The following FRK variants were observed in gnomAD, a reference collection of about 807,000 sequenced individuals.
FRK encodes tyrosine-protein kinase FRK.
FRK carries 51 observed loss-of-function variants against 56.4 expected under a neutral mutation model. The ratio of observed to expected loss-of-function variants is 0.90; its 90% CI spans 0.72 to 1.14. The LOEUF (loss-of-function observed/expected upper bound fraction) is 1.14, where lower values mean the gene tolerates loss of function less well. Ranked by LOEUF, FRK falls within the 50% of genes most tolerant of loss-of-function variation. The pLI, the probability that FRK is intolerant of heterozygous loss-of-function variation, is 0.00. For missense variants in FRK, 570 were observed against 601.4 expected, an observed-to-expected ratio of 0.95 and a Z score of 0.55; for synonymous variants, 245 against 217.9, an observed-to-expected ratio of 1.12 and a Z score of -1.10.
intron 2 of FRK, among the ~76,000 whole-genome samples, chr6:115,987,654 C>A (rs1774443481): frequency 6.6e-6 from 1 of 152,070 alleles, no homozygotes; most frequent in African/African-American, 2.4e-5. Flanking sequence ...GGCATTACCC[C>A]TCTACTGCCA....
At chr6:116,098,683 C>T in the FRK span, among the ~76,000 whole-genome samples, 2 of 152,156 alleles carry the variant, frequency 1.3e-5, no homozygotes, top group African/African-American at 4.8e-5. Context: ...GAAGACTGAA[C>T]TTGTAGTTGA....
chr6:115,958,670 A>G (rs1562257119), intron 4 of FRK, among the ~76,000 whole-genome samples: 1 of 3,154 alleles, frequency 3.2e-4, no homozygotes, highest in Non-Finnish European at 6.4e-4. Context: ...GAAAGAAAGA[A>G]AGAAAGAAAG....
intron 1 of FRK, among the ~76,000 whole-genome samples, chr6:116,057,332 A>G (rs1777439075): frequency 6.6e-6 from 1 of 152,222 alleles, no homozygotes; most frequent in African/African-American, 2.4e-5. Flanking sequence ...AAAATATTAA[A>G]ATAAGTTGTT....
In FRK at chr6:116,000,223, C is replaced by CTTTTTTTTTTTTTTTT. The variant is rs561273499; in HGVS notation, c.466+3638_466+3653dup. 2.8e-4 allele frequency among the ~76,000 whole-genome samples: 15 copies of CTTTTTTTTTTTTTTTT among 53,110 alleles called. 2 individuals carry two copies. Among genetic ancestry groups the CTTTTTTTTTTTTTTTT allele is most frequent in the East Asian group, 1.8e-3 (5 of 2,820 alleles). 34.8% of individuals were successfully genotyped at this position (53,110 alleles called of 152,430 possible). On this transcript the variant is annotated intron_variant, in intron 2 of 7. Coordinates refer to ENST00000606080, the MANE Select transcript of FRK (RefSeq NM_002031.3). ...TTTCCTCATGAAAATATCATTCTTT[C>CTTTTTTTTTTTTTTTT]TTTTTTTTTTTTTTTTTTTTTTTTT...
chr6:115,994,176 CA>C (rs1774732442), intron 2 of FRK, among the ~76,000 whole-genome samples: 1 of 151,920 alleles, frequency 6.6e-6, no homozygotes, highest in Non-Finnish European at 1.5e-5. Context: ...CAAGTCAAGG[CA>C]GAGATAATGT....
intron 2 of FRK, among the ~76,000 whole-genome samples, chr6:115,984,108 T>C (rs187609971): frequency 7.2e-5 from 11 of 152,222 alleles, no homozygotes; most frequent in Non-Finnish European, 1.6e-4. Context: ...AACCGCCCAG[T>C]GTAAGCGAGC....
chr6:115,983,061 G>A (rs895771042), intron 2 of FRK, among the ~76,000 whole-genome samples: 2 of 134,224 alleles, frequency 1.5e-5, no homozygotes, highest in African/African-American at 2.6e-5. Flanking sequence ...AATAGAGTGA[G>A]ACTCTATCTC....
intron 1 of FRK, among the ~76,000 whole-genome samples, chr6:116,024,012 T>C (rs1380390704): frequency 6.6e-6 from 1 of 151,214 alleles, no homozygotes; most frequent in African/African-American, 2.4e-5. Flanking sequence ...ATCACAGAAA[T>C]CTTTTCATAC....
At chr6:115,965,860 T>C (rs1351574692) in intron 4 of FRK, among the ~76,000 whole-genome samples, 1 of 68,756 alleles carries the variant, frequency 1.5e-5, no homozygotes, top group East Asian at 4.9e-4. Flanking sequence ...TGAGATCACA[T>C]GGACACAGGA....
At chr6:116,039,052 T>A (rs1469501991) in intron 1 of FRK, 2 of 758,878 alleles carry the variant, frequency 2.6e-6, no homozygotes, top group African/African-American at 3.4e-5. Flanking sequence ...AGAGTAGGCA[T>A]GTCTTTGGGG....
At chr6:116,005,411 A>AAT (rs1233724444) in intron 1 of FRK, among the ~76,000 whole-genome samples, 4 of 152,188 alleles carry the variant, frequency 2.6e-5, no homozygotes, top group African/African-American at 9.6e-5. Flanking sequence ...AGGATTGGAA[A>AAT]ATGTGGCGAA....
chr6:115,954,914 C>T (rs1260760105), intron 5 of FRK, among the ~76,000 whole-genome samples: 2 of 152,034 alleles, frequency 1.3e-5, no homozygotes, highest in Non-Finnish European at 2.9e-5. Context: ...TGCAATGTAG[C>T]ATGGATAAGA....
At position 116,021,556 on chromosome 6, in the gene FRK, G is replaced by A. The variant is rs944312254; in HGVS notation, c.345-17558C>T. On this transcript the variant is annotated intron_variant, in intron 1 of 7. Coordinates refer to ENST00000606080, the MANE Select transcript of FRK (RefSeq NM_002031.3). ...GTTTGACTTGACAAGCAGAGAACAA[G>A]GATTTTCTGCCTTATGATTTCTTTA... Among the ~76,000 whole-genome samples, 3 of 152,018 alleles carry A rather than the reference G, an allele frequency of 2.0e-5. No homozygotes were observed. In the East Asian group the frequency reaches 5.8e-4, roughly 29 times the overall value.
chr6:116,047,146 T>C (rs1776995566), intron 1 of FRK, among the ~76,000 whole-genome samples: 1 of 151,840 alleles, frequency 6.6e-6, no homozygotes, highest in Non-Finnish European at 1.5e-5. Flanking sequence ...AGGTCACCCA[T>C]GACAAAAACT....
chr6:116,094,634 C>T, the FRK span, among the ~76,000 whole-genome samples: 1 of 152,090 alleles, frequency 6.6e-6, no homozygotes, highest in Admixed American at 6.6e-5. Flanking sequence ...GTGCAAAAAC[C>T]CAAAGAGGTG....
chr6:115,969,962 G>C (rs936740602), intron 2 of FRK, among the ~76,000 whole-genome samples: 4 of 152,162 alleles, frequency 2.6e-5, no homozygotes, highest in Non-Finnish European at 5.9e-5. Flanking sequence ...CAAAGTTGTT[G>C]ATAAGTATTG....
intron 1 of FRK, among the ~76,000 whole-genome samples, chr6:116,008,303 G>A: frequency 6.6e-6 from 1 of 152,050 alleles, no homozygotes; most frequent in African/African-American, 2.4e-5. Context: ...TTGGACTTTT[G>A]TATAATAGAT....
the FRK span, among the ~76,000 whole-genome samples, chr6:116,079,192 C>T: frequency 2.0e-5 from 3 of 151,910 alleles, no homozygotes; most frequent in Non-Finnish European, 4.4e-5. Context: ...AGAGATTATT[C>T]ATAAGAGTTC....
intron 1 of FRK, among the ~76,000 whole-genome samples, chr6:116,020,845 G>T (rs780212647): frequency 6.6e-6 from 1 of 152,056 alleles, no homozygotes; most frequent in Non-Finnish European, 1.5e-5. Flanking sequence ...AGAGACAATA[G>T]TATAACCACT....
Sources: gnomAD v4.1 joint callset for allele counts (sites outside exome capture counted in the v4.1 genomes callset) on GRCh38, gnomAD v4.1.1 for gene constraint, MANE v1.5 for transcripts, NCBI Gene and HGNC (gene_info 2026-07-23, HGNC 2026-07-21) for gene names.